RAPH1: variants seen among roughly 807,000 people sequenced by gnomAD.
The protein encoded by RAPH1 is ras-associated and pleckstrin homology domains-containing protein 1.
Under a neutral mutation model 88.1 loss-of-function variants are expected in RAPH1, and 18 were observed. That is an observed-to-expected ratio of 0.20 (90% CI 0.14 to 0.30). RAPH1 has a LOEUF of 0.30. Ranked by LOEUF, RAPH1 falls within the 10% of genes least tolerant of loss-of-function variation. The pLI, the probability that RAPH1 is intolerant of heterozygous loss-of-function variation, is 1.00. For synonymous variants in RAPH1, 587 were observed against 559.0 expected, an observed-to-expected ratio of 1.05 and a Z score of -0.71; for missense variants, 1,448 against 1,543.2, an observed-to-expected ratio of 0.94 and a Z score of 1.03.
chr2:203,459,408 T>C (rs749137536), intron 7 of RAPH1, among the ~76,000 whole-genome samples: 7 of 152,228 alleles, frequency 4.6e-5, no homozygotes, highest in African/African-American at 7.2e-5. Context: ...TCAAACATTA[T>C]TTTGGAATAA....
chr2:203,500,324 C>A (rs184939824), intron 1 of RAPH1, among the ~76,000 whole-genome samples: 48 of 152,250 alleles, frequency 3.2e-4, no homozygotes, highest in Middle Eastern at 3.4e-3. Flanking sequence ...GAGGAACCAA[C>A]ATATACAAGG....
At chr2:203,461,986 T>G (rs1169998427) in intron 4 of RAPH1, 61 bp from the exon 5 acceptor site, 1 of 1,399,064 alleles carries the variant, frequency 7.1e-7, no homozygotes, top group Non-Finnish European at 9.9e-7. Flanking sequence ...TGAGAAATCT[T>G]TTTTATCCTT....
At chr2:203,441,889 G>A (rs1211738021) in intron 13 of RAPH1, 17 of 1,350,164 alleles carry the variant, frequency 1.3e-5, no homozygotes, top group South Asian at 2.2e-5. Flanking sequence ...GCTTCCTGGT[G>A]GAATGAGGAT....
At chr2:203,450,897 G>GTTTT (rs561396388) in intron 10 of RAPH1, among the ~76,000 whole-genome samples, 4 of 141,954 alleles carry the variant, frequency 2.8e-5, no homozygotes, top group African/African-American at 7.7e-5. Flanking sequence ...CAAAAAGAGG[G>GTTTT]TTTTTTTTTT....
rs1180303262 is a variant in RAPH1 at position 203,461,377 on chromosome 2, C to T, written c.842G>A (p.Ser281Asn). Residue 281 changes from serine to asparagine, a missense_variant, in exon 6 of 14, where the codon AGT becomes AAT. Coordinates refer to ENST00000319170, the MANE Select transcript of RAPH1 (RefSeq NM_213589.3). ...CTCATCCACCATCATTGTTTTAGAACTGTCATCAGACATGTGGACTCTGAT... is the reference window on the plus strand; with the variant it reads ...CTCATCCACCATCATTGTTTTAGAATTGTCATCAGACATGTGGACTCTGAT... ...LVIRVHMSDD[S>N]SKTMMVDERQ... is the part of the protein sequence containing the mutation. 7 of 1,609,274 alleles carry T rather than the reference C, an allele frequency of 4.3e-6. No homozygotes were observed. In the African/African-American group the frequency reaches 6.7e-5, roughly 15 times the overall value.
At chr2:203,491,055 A>G (rs930096585) in intron 3 of RAPH1, among the ~76,000 whole-genome samples, 159 bp downstream of exon 3, 2 of 151,770 alleles carry the variant, frequency 1.3e-5, no homozygotes, top group Non-Finnish European at 2.9e-5. Context: ...AAAAAAAAAA[A>G]AAAAAGAAAA....
At chr2:203,506,346 G>A (rs578084885) in intron 1 of RAPH1, among the ~76,000 whole-genome samples, 2 of 152,120 alleles carry the variant, frequency 1.3e-5, no homozygotes, top group East Asian at 3.9e-4. Context: ...TAGCACACTT[G>A]GTTCCCAGTT....
chr2:203,447,726 A>C (rs1286009419), intron 12 of RAPH1: 3 of 321,234 alleles, frequency 9.3e-6, no homozygotes, highest in East Asian at 1.1e-4. Context: ...ATAAATAACA[A>C]AACTGGCTTT....
In RAPH1 at chr2:203,441,168, C is replaced by G; in HGVS notation, c.2022G>C (p.Gln674His). 1 of 1,611,894 alleles carries G rather than the reference C, an allele frequency of 6.2e-7. No individual in the cohort carries two copies. Among genetic ancestry groups the G allele is most frequent in the East Asian group, 2.2e-5 (1 of 44,768 alleles). ...GGGCCCCTGAATGCTGAGACGCATT[C>G]TGTAGCCGTGTTATTGTGCTGTACT... ...FVKYSTITRL[Q>H]NASQHSGALF... The change falls in exon 14 of 14, where the codon CAG becomes CAC. Residue 674 changes from glutamine to histidine, a missense_variant. Gln to His is a conservative substitution (Grantham distance 24). Coordinates refer to ENST00000319170, the MANE Select transcript of RAPH1 (RefSeq NM_213589.3).
At position 203,515,527 on chromosome 2, in the gene RAPH1, G is replaced by T. The variant is rs532394543; in HGVS notation, c.-1+19584C>A. Among the ~76,000 whole-genome samples, 218 of 152,272 alleles carry T rather than the reference G, an allele frequency of 1.4e-3. 2 individuals carry two copies. The highest frequency in any genetic ancestry group is 2.6e-3 in the Non-Finnish European group (175 of 68,016). ...AATGGCTAAGCTGGTGTCTTTTATT[G>T]TATCACTGTTTGGTATGCATTGCCA... On this transcript the variant is annotated intron_variant, in intron 1 of 13. Coordinates refer to ENST00000319170, the MANE Select transcript of RAPH1 (RefSeq NM_213589.3).
chr2:203,455,683 GT>G, intron 8 of RAPH1, 103 bp from the exon 9 acceptor site: 1 of 1,126,936 alleles, frequency 8.9e-7, no homozygotes, highest in Non-Finnish European at 1.3e-6. Flanking sequence ...AACCAAAATG[GT>G]TTTATATTAA....
chr2:203,443,483 C>A (rs1224487031), intron 13 of RAPH1: 1 of 152,106 alleles, frequency 6.6e-6, no homozygotes, highest in African/African-American at 2.4e-5. Flanking sequence ...TAATTATAGT[C>A]TTGCAATAAC....
intron 1 of RAPH1, among the ~76,000 whole-genome samples, chr2:203,503,914 C>T (rs568524143): frequency 1.3e-5 from 2 of 152,256 alleles, no homozygotes; most frequent in African/African-American, 4.8e-5. Flanking sequence ...TTTTAAAGCT[C>T]CAAAATGATC....
At chr2:203,469,749 G>C (rs1295349434) in intron 4 of RAPH1, among the ~76,000 whole-genome samples, 1 of 151,940 alleles carries the variant, frequency 6.6e-6, no homozygotes, top group Non-Finnish European at 1.5e-5. Flanking sequence ...GCAGAGAACC[G>C]GGCAATTAAA....
chr2:203,457,605 C>T lies in RAPH1; in HGVS notation c.1093-10G>A. 7 of 1,594,472 alleles carry T rather than the reference C, an allele frequency of 4.4e-6. No individual in the cohort carries two copies. The highest frequency in any genetic ancestry group is 6.0e-6 in the Non-Finnish European group (7 of 1,162,352). On this transcript the variant is annotated splice_polypyrimidine_tract_variant and intron_variant, in intron 7 of 13. Coordinates refer to ENST00000319170, the MANE Select transcript of RAPH1 (RefSeq NM_213589.3). Reference sequence around the variant, plus strand: ...TCCCCAAAAGATAATTCTGGAAAAACAAACATATGGAAGGGATGGGTGGGA... The same window carrying T: ...TCCCCAAAAGATAATTCTGGAAAAATAAACATATGGAAGGGATGGGTGGGA...
chr2:203,489,646 T>C lies in RAPH1; in HGVS notation c.670A>G (p.Ile224Val). 2 of 1,613,712 alleles carry C rather than the reference T, an allele frequency of 1.2e-6. No homozygotes were observed. Among genetic ancestry groups the C allele is most frequent in the South Asian group, 1.1e-5 (1 of 90,972 alleles). ...SAASSMDSLD[I>V]DKVTRPQELD... ...TCTTGAGGGCGTGTTACTTTATCAA[T>C]ATCCAAAGAGTCCATGCTGGAGGCT... Residue 224 changes from isoleucine to valine, a missense_variant, in exon 4 of 14, where the codon ATT (isoleucine) becomes GTT (valine). This residue lies in a region of RAPH1 where 513 missense variants were observed against 653.1 expected (regional missense o/e 0.79). Coordinates refer to ENST00000319170, the MANE Select transcript of RAPH1 (RefSeq NM_213589.3).
At position 203,453,055 on chromosome 2, in the gene RAPH1, G is replaced by A. The variant is rs141699058; in HGVS notation, c.1413+1375C>T. Reference sequence around the variant, plus strand: ...CATATGTGAGAGAATGAAAGTTCAAGAGGCAAATAACATCTTAGCATTATT... The same window carrying A: ...CATATGTGAGAGAATGAAAGTTCAAAAGGCAAATAACATCTTAGCATTATT... On this transcript the variant is annotated intron_variant, in intron 10 of 13. Transcript: ENST00000319170. Among the ~76,000 whole-genome samples the A allele has an allele frequency of 3.1e-3, 471 of 152,314 alleles. 2 individuals are homozygous for A. The highest frequency in any genetic ancestry group is 0.011 in the African/African-American group (442 of 41,568).
chr2:203,466,002 A>G (rs1178576717), intron 4 of RAPH1, among the ~76,000 whole-genome samples: 1 of 152,206 alleles, frequency 6.6e-6, no homozygotes, highest in East Asian at 1.9e-4. Context: ...TAAAGCAGCT[A>G]GATGGGGGCT....
chr2:203,455,057 T>C (rs567591491), intron 9 of RAPH1, among the ~76,000 whole-genome samples: 1 of 152,258 alleles, frequency 6.6e-6, no homozygotes, highest in African/African-American at 2.4e-5. Flanking sequence ...ACCGAAGTGA[T>C]AGCTACACCA....
Sources: gnomAD v4.1 joint callset for allele counts (sites outside exome capture counted in the v4.1 genomes callset) on GRCh38, gnomAD v4.1.1 for gene constraint, gnomAD v4.1.1 regional missense constraint, MANE v1.5 for transcripts, NCBI Gene and HGNC (gene_info 2026-07-23, HGNC 2026-07-21) for gene names.